PTPRM: variants seen among roughly 807,000 people sequenced by gnomAD.
The protein encoded by PTPRM is receptor-type tyrosine-protein phosphatase mu.
PTPRM carries 47 observed loss-of-function variants against 186.7 expected under a neutral mutation model. The observed-to-expected ratio is 0.25, with a 90% confidence interval of 0.20 to 0.32. The LOEUF is 0.32. PTPRM is among the 10% of genes least tolerant of loss of function. PTPRM has a pLI of 1.00. For missense variants in PTPRM, 1,494 were observed against 1,865.0 expected (o/e 0.80, Z 3.66); for synonymous variants, 668 against 674.9 (o/e 0.99, Z 0.16).
At chr18:8,216,069 T>C (rs2094080928) in intron 14 of PTPRM, among the ~76,000 whole-genome samples, 1 of 152,222 alleles carries the variant, frequency 6.6e-6, no homozygotes, top group Admixed American at 6.5e-5. Context: ...CTTCCTCCTT[T>C]CCCTTCATAT....
intron 1 of PTPRM, among the ~76,000 whole-genome samples, chr18:7,613,765 A>G (rs1413621502): frequency 6.6e-6 from 1 of 152,222 alleles, no homozygotes; most frequent in Non-Finnish European, 1.5e-5. Context: ...AGTGCAAGGA[A>G]AAGGTTGACC....
intron 23 of PTPRM, among the ~76,000 whole-genome samples, chr18:8,355,578 C>T (rs977097841): frequency 1.3e-5 from 2 of 152,076 alleles, no homozygotes; most frequent in South Asian, 2.1e-4. Flanking sequence ...GGGAAAGGGC[C>T]ACACTGGAGA....
chr18:7,896,791 C>T (rs938482647), intron 3 of PTPRM, among the ~76,000 whole-genome samples: 2 of 152,152 alleles, frequency 1.3e-5, no homozygotes, highest in African/African-American at 4.8e-5. Flanking sequence ...GGGCACTAAA[C>T]CAAGATTCAC....
chr18:7,596,957 G>A (rs1055736636), intron 1 of PTPRM, among the ~76,000 whole-genome samples: 9 of 151,762 alleles, frequency 5.9e-5, no homozygotes, highest in South Asian at 2.1e-4. Flanking sequence ...AGGCTCAAGC[G>A]ATTCTCGTGC....
intron 2 of PTPRM, among the ~76,000 whole-genome samples, chr18:7,781,736 A>G (rs1304181185): frequency 6.6e-6 from 1 of 152,186 alleles, no homozygotes; most frequent in African/African-American, 2.4e-5. Flanking sequence ...CATTTCCTTT[A>G]TAACCAAGTC....
Position 7,735,855 on chromosome 18 carries a change from T to C in PTPRM, c.74-38294T>C, listed in dbSNP as rs1045261074. ...CTTAAAGTCAAGCATTTTTTTTTTT[T>C]TTCCTGTTGACTTCAACTTCAGGTA... On this transcript the variant is annotated intron_variant, in intron 1 of 32. Transcript: ENST00000580170. Among the ~76,000 whole-genome samples, 11 of 152,234 alleles carry C rather than the reference T, an allele frequency of 7.2e-5. No individual in the cohort carries two copies. The East Asian group carries it at 1.9e-3, about 27-fold the overall frequency.
chr18:8,011,705 A>G (rs899359982), intron 7 of PTPRM, among the ~76,000 whole-genome samples: 11 of 152,228 alleles, frequency 7.2e-5, no homozygotes, highest in Non-Finnish European at 1.5e-4. Context: ...TAACTGCCCA[A>G]GAAAATTATC....
chr18:7,883,213 C>G (rs948463584), intron 2 of PTPRM, among the ~76,000 whole-genome samples: 1 of 152,076 alleles, frequency 6.6e-6, no homozygotes, highest in Non-Finnish European at 1.5e-5. Flanking sequence ...TAAAAATTTA[C>G]CGAGCTGGAA....
chr18:7,822,453 T>C (rs548477581), intron 2 of PTPRM, among the ~76,000 whole-genome samples: 6 of 152,230 alleles, frequency 3.9e-5, no homozygotes, highest in Admixed American at 1.3e-4. Flanking sequence ...TTCTATACTA[T>C]GAACTTATGG....
intron 5 of PTPRM, among the ~76,000 whole-genome samples, chr18:7,939,658 T>C (rs923695456): frequency 6.6e-6 from 1 of 152,220 alleles, no homozygotes; most frequent in African/African-American, 2.4e-5. Context: ...GGACAAAAGA[T>C]GGGTCAGTGA....
chr18:7,715,579 A>T (rs555359502), intron 1 of PTPRM, among the ~76,000 whole-genome samples: 1 of 152,344 alleles, frequency 6.6e-6, no homozygotes, highest in South Asian at 2.1e-4. Context: ...CTCTGTTTGC[A>T]TATGACATGA....
At chr18:8,301,010 C>G (rs2095151718) in intron 20 of PTPRM, among the ~76,000 whole-genome samples, 1 of 152,132 alleles carries the variant, frequency 6.6e-6, no homozygotes, top group Admixed American at 6.5e-5. Flanking sequence ...CATCCCCTGC[C>G]TAAAAATTAT....
chr18:7,937,311 G>T (rs1172057227), intron 5 of PTPRM, among the ~76,000 whole-genome samples: 1 of 152,188 alleles, frequency 6.6e-6, no homozygotes, highest in Non-Finnish European at 1.5e-5. Context: ...TCGTGGCTCT[G>T]CAGTTCCTGG....
At chr18:8,311,797 T>C (rs934916489) in intron 20 of PTPRM, among the ~76,000 whole-genome samples, 1 of 152,150 alleles carries the variant, frequency 6.6e-6, no homozygotes, top group South Asian at 2.1e-4. Flanking sequence ...AAAACTCTAC[T>C]TCAGAGGCTC....
intron 14 of PTPRM, among the ~76,000 whole-genome samples, chr18:8,216,194 C>T (rs550390991): frequency 7.2e-5 from 11 of 152,282 alleles, no homozygotes; most frequent in African/African-American, 2.6e-4. Flanking sequence ...TTCTCTCTCT[C>T]TCTTTTTTCT....
chr18:7,760,563 A>G (rs60568466), intron 1 of PTPRM, among the ~76,000 whole-genome samples: 7,597 of 152,224 alleles, frequency 0.05, 590 homozygotes, highest in African/African-American at 0.17. Flanking sequence ...GATCCAAGTC[A>G]TCATGCTTTT....
chr18:7,839,380 C>T (rs1117815), intron 2 of PTPRM, among the ~76,000 whole-genome samples: 3 of 145,424 alleles, frequency 2.1e-5, no homozygotes, highest in African/African-American at 8.5e-5. Context: ...CTATTCAGAA[C>T]CCTTGGACTC....
intron 1 of PTPRM, among the ~76,000 whole-genome samples, chr18:7,708,768 A>G: frequency 6.6e-6 from 1 of 152,288 alleles, no homozygotes; most frequent in African/African-American, 2.4e-5. Flanking sequence ...CAGATGAGCA[A>G]ATATGAATAC....
At chr18:7,651,858 T>C (rs1201294676) in intron 1 of PTPRM, among the ~76,000 whole-genome samples, 1 of 151,926 alleles carries the variant, frequency 6.6e-6, no homozygotes, top group East Asian at 1.9e-4. Flanking sequence ...ACTTCATGTC[T>C]AAAACACCAA....
Sources: allele counts gnomAD v4.1 joint callset (sites outside exome capture counted in the v4.1 genomes callset), GRCh38; gene constraint gnomAD v4.1.1; transcripts MANE v1.5; gene names NCBI Gene and HGNC (gene_info 2026-07-23, HGNC 2026-07-21).